Variants in RAB33B observed in about 807,000 individuals in gnomAD.
RAB33B encodes the protein RAB33B, member RAS oncogene family.
RAB33B carries 6 observed loss-of-function variants against 15.0 expected under a neutral mutation model. That is an observed-to-expected ratio of 0.40 (90% CI 0.22 to 0.79). The LOEUF is 0.79. Ranked by LOEUF, RAB33B falls within the 30% of genes least tolerant of loss-of-function variation. The pLI is 0.37. For synonymous variants in RAB33B, 117 were observed against 108.3 expected, an observed-to-expected ratio of 1.08 and a Z score of -0.50; for missense variants, 257 against 296.4, an observed-to-expected ratio of 0.87 and a Z score of 0.98.
intron 1 of RAB33B, among the ~76,000 whole-genome samples, chr4:139,462,149 G>T (rs777611661): frequency 8.6e-5 from 13 of 151,176 alleles, no homozygotes; most frequent in Non-Finnish European, 1.6e-4. Context: ...CGCCTCCCGG[G>T]TTCACGCCAT....
chr4:139,462,892 TGGGC>T (rs1561004692), intron 1 of RAB33B, among the ~76,000 whole-genome samples: 1 of 152,224 alleles, frequency 6.6e-6, no homozygotes, highest in Non-Finnish European at 1.5e-5. Flanking sequence ...ATGAAGAATT[TGGGC>T]CAGGTGCCAT....
rs1750133333 is a variant in RAB33B, at chr4:139,459,655, A to G, written c.249+5211A>G. On this transcript the variant is annotated intron_variant, in intron 1 of 1. Transcript: ENST00000305626. The stretch of plus-strand genomic sequence containing the variant: ...TCTTTTTTTTTTTTTTTCTTTTGAG[A>G]CAAAGTCTTGCTCTGTTGCCCAGGC... 2.7e-5 allele frequency among the ~76,000 whole-genome samples: 4 copies of G among 145,874 alleles called. No individual in the cohort carries two copies. The Middle Eastern group carries it at 0.011, about 388-fold the overall frequency.
intron 1 of RAB33B, among the ~76,000 whole-genome samples, chr4:139,461,615 A>G (rs1222645140): frequency 2.0e-5 from 3 of 151,966 alleles, no homozygotes; most frequent in South Asian, 2.1e-4. Flanking sequence ...GGTAGTGGGG[A>G]AAAAAAACAG....
upstream of RAB33B, chr4:139,454,000 G>A (rs1750005784): frequency 4.0e-6 from 2 of 505,264 alleles, no homozygotes; most frequent in African/African-American, 2.0e-5. Flanking sequence ...CGTGCGGCGG[G>A]GCGGGCGGGT....
upstream of RAB33B, chr4:139,451,393 G>C (rs189415624): frequency 8.5e-6 from 1 of 117,548 alleles, no homozygotes; most frequent in African/African-American, 3.3e-5. Flanking sequence ...TTTTTTTGGA[G>C]ACAGGAGGTC....
intron 1 of RAB33B, among the ~76,000 whole-genome samples, chr4:139,465,450 A>G (rs530140126): frequency 3.3e-5 from 5 of 152,316 alleles, no homozygotes; most frequent in Non-Finnish European, 7.4e-5. Context: ...TGTTTTAGAC[A>G]TGGAGTCCTT....
chr4:139,470,474 G>A (rs562474000), intron 1 of RAB33B, among the ~76,000 whole-genome samples: 1 of 152,318 alleles, frequency 6.6e-6, no homozygotes, highest in African/African-American at 2.4e-5. Flanking sequence ...GCCCAGGGCA[G>A]GTCCAAAAAT....
At chr4:139,457,193 T>C (rs553726711) in intron 1 of RAB33B, among the ~76,000 whole-genome samples, 1 of 152,358 alleles carries the variant, frequency 6.6e-6, no homozygotes, top group East Asian at 1.9e-4. Context: ...AGAAAGCCTA[T>C]ATCTGCTAAT....
chr4:139,459,937 A>G (rs1306574635), intron 1 of RAB33B, among the ~76,000 whole-genome samples: 3 of 152,158 alleles, frequency 2.0e-5, no homozygotes, highest in South Asian at 2.1e-4. Context: ...GGCCTAGTTC[A>G]GTTCTTAAAC....
At chr4:139,461,027 T>C (rs1176322088) in intron 1 of RAB33B, among the ~76,000 whole-genome samples, 1 of 152,222 alleles carries the variant, frequency 6.6e-6, no homozygotes, top group Non-Finnish European at 1.5e-5. Flanking sequence ...GTGGTCAAGA[T>C]CTCTTGCTTT....
the RAB33B span, among the ~76,000 whole-genome samples, chr4:139,444,500 T>C: frequency 6.6e-6 from 1 of 152,060 alleles, no homozygotes; most frequent in African/African-American, 2.4e-5. Flanking sequence ...TGTTAATCTT[T>C]CTCTCATTCT....
the RAB33B span, among the ~76,000 whole-genome samples, chr4:139,441,191 C>G: frequency 1.1e-4 from 17 of 152,050 alleles, no homozygotes; most frequent in Admixed American, 6.5e-4. Flanking sequence ...GCATGCAAGA[C>G]TTCTTAAAGG....
In RAB33B at chr4:139,456,785, T is replaced by C. The variant is rs965559153; in HGVS notation, c.249+2341T>C. ...CTGAGGTTTCTATAGTAGGAAAAGATATAGCTATGTTGGGCATTTTTTAAA... is the reference window on the plus strand; with the variant it reads ...CTGAGGTTTCTATAGTAGGAAAAGACATAGCTATGTTGGGCATTTTTTAAA... On this transcript the variant is annotated intron_variant, in intron 1 of 1. Transcript: ENST00000305626. Among the ~76,000 whole-genome samples the C allele has an allele frequency of 2.0e-5, 3 of 152,260 alleles. No individual in the cohort carries two copies. In the South Asian group the frequency reaches 6.2e-4, roughly 31 times the overall value.
chr4:139,457,743 C>T (rs1579173960), intron 1 of RAB33B, among the ~76,000 whole-genome samples: 1 of 152,140 alleles, frequency 6.6e-6, no homozygotes, highest in South Asian at 2.1e-4. Flanking sequence ...TGGCCACAAT[C>T]TAAGAATGAT....
At chr4:139,450,167 A>G (rs1309883391), upstream of RAB33B, 2 of 152,228 alleles carry the variant, frequency 1.3e-5, no homozygotes, top group Admixed American at 6.5e-5. Flanking sequence ...CATAGTTCAA[A>G]TGCCATTAAC....
intron 1 of RAB33B, among the ~76,000 whole-genome samples, chr4:139,468,023 C>A (rs370604084): frequency 1.9e-4 from 28 of 151,130 alleles, no homozygotes; most frequent in East Asian, 1.5e-3. Flanking sequence ...CCCCACTACC[C>A]TTCCCGAGCC....
the RAB33B span, among the ~76,000 whole-genome samples, chr4:139,446,765 T>C: frequency 5.3e-5 from 8 of 152,114 alleles, no homozygotes; most frequent in African/African-American, 1.9e-4. Flanking sequence ...GTGGCAGGGA[T>C]GGAGGTTACA....
chr4:139,467,297 GC>G (rs1300608173), intron 1 of RAB33B, among the ~76,000 whole-genome samples: 15 of 84,672 alleles, frequency 1.8e-4, no homozygotes, highest in African/African-American at 6.0e-4. Context: ...TCCCCACCAC[GC>G]CCCCCGCCGC....
In RAB33B at chr4:139,472,821, A is replaced by T; in HGVS notation, c.385A>T (p.Ile129Leu). ...TAGTTTTCATAGCCTACCATCTTGG[A>T]TAGAAGAATGCAAACAACATTTGCT... Reference protein sequence around the residue: ...MASFHSLPSWIEECKQHLLAN... With the variant: ...MASFHSLPSWLEECKQHLLAN... The change falls in exon 2 of 2, where the codon ATA becomes TTA. Residue 129 changes from isoleucine (I) to leucine (L), a missense_variant. Physicochemically the swap from Ile to Leu is conservative, Grantham distance 5 (BLOSUM62 2). Transcript: ENST00000305626. 1 of 1,614,202 alleles carries T rather than the reference A, an allele frequency of 6.2e-7. No individual in the cohort carries two copies. Among genetic ancestry groups the T allele is most frequent in the South Asian group, 1.1e-5 (1 of 91,084 alleles).
Sources: allele counts gnomAD v4.1 joint callset (sites outside exome capture counted in the v4.1 genomes callset), GRCh38; gene constraint gnomAD v4.1.1; transcripts MANE v1.5; gene names NCBI Gene and HGNC (gene_info 2026-07-23, HGNC 2026-07-21).